The following NT5DC3 variants were observed in gnomAD, a reference collection of about 807,000 sequenced individuals.
NT5DC3 encodes 5'-nucleotidase domain containing 3, also known as 5'-nucleotidase domain-containing protein 3.
Under a neutral mutation model 67.8 loss-of-function variants are expected in NT5DC3, and 42 were observed. The observed-to-expected ratio is 0.62, with a 90% CI of 0.48 to 0.80. The LOEUF is 0.80. Ranked by LOEUF, NT5DC3 falls within the 30% of genes least tolerant of loss-of-function variation. The pLI, the probability that NT5DC3 is intolerant of heterozygous loss-of-function variation, is 0.00. For synonymous variants in NT5DC3, 237 were observed against 255.6 expected (o/e 0.93, Z 0.69); for missense variants, 570 against 696.4 (o/e 0.82, Z 2.04).
At chr12:103,830,527 G>A (rs528640153) in intron 1 of NT5DC3, among the ~76,000 whole-genome samples, 87 of 152,192 alleles carry the variant, frequency 5.7e-4, no homozygotes, top group African/African-American at 2.1e-3. Flanking sequence ...GACCTCTCAC[G>A]CTATCAGTCT....
At chr12:103,779,268 T>C (rs1315891005) in intron 13 of NT5DC3, among the ~76,000 whole-genome samples, 1 of 152,178 alleles carries the variant, frequency 6.6e-6, no homozygotes, top group East Asian at 1.9e-4. Context: ...TGTATATCTA[T>C]ATCAACATCC....
chr12:103,759,647 T>C, the NT5DC3 span, among the ~76,000 whole-genome samples: 1 of 151,932 alleles, frequency 6.6e-6, no homozygotes, highest in Admixed American at 6.6e-5. Context: ...AAACAAGTTA[T>C]CCAGCTTCCC....
Position 103,788,928 on chromosome 12 carries a change from A to C in NT5DC3, c.1020-9T>G. Reference sequence around the variant, plus strand: ...TCATCTTTCGGAAAGGCCTAACAACAGAAATGGGAAACATTATGACATGGA... The same window carrying C: ...TCATCTTTCGGAAAGGCCTAACAACCGAAATGGGAAACATTATGACATGGA... On this transcript the variant is annotated splice_polypyrimidine_tract_variant and intron_variant, in intron 9 of 13. Coordinates refer to ENST00000392876, the MANE Select transcript of NT5DC3 (RefSeq NM_001031701.3). The C allele has an allele frequency of 6.3e-7, 1 of 1,575,778 alleles. No individual in the cohort carries two copies. The highest frequency in any genetic ancestry group is 8.7e-7 in the Non-Finnish European group (1 of 1,145,090).
At chr12:103,761,347 C>A in the NT5DC3 span, 1 of 1,614,104 alleles carries the variant, frequency 6.2e-7, no homozygotes, top group South Asian at 1.1e-5. Context: ...AGTGGGACAT[C>A]TTTGCCTCCA....
the NT5DC3 span, among the ~76,000 whole-genome samples, chr12:103,751,482 G>T: frequency 3.3e-5 from 5 of 152,200 alleles, no homozygotes; most frequent in African/African-American, 1.2e-4. Flanking sequence ...TGCAGTGGTG[G>T]TGCTGGGTTA....
chr12:103,778,162 T>A, intron 13 of NT5DC3, 81 bp from the exon 14 acceptor site: 3 of 1,285,946 alleles, frequency 2.3e-6, no homozygotes, highest in South Asian at 1.6e-5. Context: ...CAAAATCACT[T>A]CTTTTTTTAA....
At position 103,801,539 on chromosome 12, in the gene NT5DC3, C is replaced by T. The variant is rs140616700; in HGVS notation, c.525-2862G>A. ...CTGGGACTACAGGCACCCACCACCA[C>T]GCCCGGCTAATTTTTGCATTTTTAG... On this transcript the variant is annotated intron_variant, in intron 4 of 13. Transcript: ENST00000392876. Among the ~76,000 whole-genome samples the T allele has an allele frequency of 4.0e-5, 6 of 151,842 alleles. No homozygotes were observed. The East Asian group carries it at 5.8e-4, about 15-fold the overall frequency.
the NT5DC3 span, among the ~76,000 whole-genome samples, chr12:103,761,961 T>C: frequency 6.6e-6 from 1 of 151,866 alleles, no homozygotes; most frequent in Non-Finnish European, 1.5e-5. Context: ...GCACAGAAGC[T>C]CCAAAGCCAG....
intron 11 of NT5DC3, among the ~76,000 whole-genome samples, chr12:103,787,000 G>T (rs1885814544): frequency 6.6e-6 from 1 of 152,044 alleles, no homozygotes; most frequent in African/African-American, 2.4e-5. Context: ...TCAGTTTCTT[G>T]AAGCCTTTGA....
At chr12:103,758,414 A>G in the NT5DC3 span, 11 of 1,479,308 alleles carry the variant, frequency 7.4e-6, no homozygotes, top group African/African-American at 5.5e-5. Context: ...GATCATCTGC[A>G]GATCAGTTGG....
At chr12:103,783,168 A>G (rs1341648803) in intron 12 of NT5DC3, among the ~76,000 whole-genome samples, 1 of 152,228 alleles carries the variant, frequency 6.6e-6, no homozygotes, top group Non-Finnish European at 1.5e-5. Flanking sequence ...GGAATAACTT[A>G]TAACTTTCTA....
At chr12:103,806,237 T>G in intron 4 of NT5DC3, 85 bp downstream of exon 4, 1 of 836,006 alleles carries the variant, frequency 1.2e-6, no homozygotes, top group Non-Finnish European at 2.1e-6. Context: ...TGCAGCCCTC[T>G]TCATCATTAA....
At chr12:103,822,881 T>A (rs1242548977) in intron 1 of NT5DC3, among the ~76,000 whole-genome samples, 1 of 152,192 alleles carries the variant, frequency 6.6e-6, no homozygotes, top group South Asian at 2.1e-4. Flanking sequence ...AACATTTTGT[T>A]GCATTGATAT....
In NT5DC3 at chr12:103,798,599, G is replaced by A; in HGVS notation, c.603C>T (p.Asp201=). The part of the protein sequence containing the change: ...GSHVPLEQMS[D]FYGKSSHGNT... The stretch of plus-strand genomic sequence containing the variant: ...TGCTTCTCATTACCTTTCCGTAAAA[G>A]TCACTCATCTGCTCCAAGGGCACGT... The change falls in exon 5 of 14, where the codon GAC becomes GAT. Residue 201 remains aspartate, a synonymous_variant. Coordinates refer to ENST00000392876, the MANE Select transcript of NT5DC3 (RefSeq NM_001031701.3). 6.2e-7 allele frequency: 1 copy of A among 1,612,378 alleles called. No homozygotes were observed. The highest frequency in any genetic ancestry group is 8.5e-7 in the Non-Finnish European group (1 of 1,178,346).
the NT5DC3 span, chr12:103,750,771 G>C: frequency 1.9e-6 from 3 of 1,562,696 alleles, no homozygotes; most frequent in Non-Finnish European, 2.6e-6. Flanking sequence ...TTCAGGCCTG[G>C]GGAAGGGACC....
downstream of NT5DC3, among the ~76,000 whole-genome samples, chr12:103,769,115 C>T (rs538874971): frequency 3.9e-5 from 6 of 152,226 alleles, no homozygotes; most frequent in East Asian, 5.8e-4. Context: ...GCCCTTCCCC[C>T]CAACACACAC....
intron 4 of NT5DC3, among the ~76,000 whole-genome samples, chr12:103,801,032 T>C (rs1320215609): frequency 6.6e-6 from 1 of 152,076 alleles, no homozygotes. Context: ...TTTCACAAGG[T>C]TCCTAGTAAA....
In NT5DC3 at chr12:103,796,933, G is replaced by A. The variant is rs373657548; in HGVS notation, c.714C>T (p.Asn238=). The A allele has an allele frequency of 4.3e-6, 7 of 1,614,044 alleles. No homozygotes were observed. The African/African-American group carries it at 8.0e-5, about 18-fold the overall frequency. ...SCVNEYFLKN[N]IDYEPVHLYK... is the part of the protein sequence containing the mutation. Reference sequence around the variant, plus strand: ...ACAGATGCACAGGCTCATAGTCGATGTTGTTCTTGAGGAAGTATTCATTCA... The same window carrying A: ...ACAGATGCACAGGCTCATAGTCGATATTGTTCTTGAGGAAGTATTCATTCA... The change falls in exon 6 of 14, where the codon AAC becomes AAT. Residue 238 remains asparagine (N), a synonymous_variant. Transcript: ENST00000392876.
chr12:103,808,047 A>T (rs1231806627), intron 2 of NT5DC3, among the ~76,000 whole-genome samples: 1 of 152,144 alleles, frequency 6.6e-6, no homozygotes, highest in Non-Finnish European at 1.5e-5. Context: ...CATTCCTCAC[A>T]CTATGCAAAA....
Sources: gnomAD v4.1 joint callset for allele counts (sites outside exome capture counted in the v4.1 genomes callset) on GRCh38, gnomAD v4.1.1 for gene constraint, MANE v1.5 for transcripts, NCBI Gene and HGNC (gene_info 2026-07-23, HGNC 2026-07-21) for gene names.